Variants in ADAM19 observed in about 807,000 individuals in gnomAD.
ADAM19 encodes the protein ADAM metallopeptidase domain 19.
In ADAM19, 65 loss-of-function variants were observed where a neutral mutation model predicts 114.7. The observed-to-expected ratio is 0.57, with a 90% CI of 0.46 to 0.70. ADAM19 has a LOEUF of 0.70. ADAM19 is among the 30% of genes least tolerant of loss of function. The pLI, the probability that ADAM19 is intolerant of heterozygous loss-of-function variation, is 0.00. For missense variants in ADAM19, 1,063 were observed against 1,204.7 expected (o/e 0.88, Z 1.74); for synonymous variants, 466 against 460.5 (o/e 1.01, Z -0.15).
chr5:157,506,642 G>T (rs1755750458), intron 10 of ADAM19, among the ~76,000 whole-genome samples: 2 of 152,240 alleles, frequency 1.3e-5, no homozygotes, highest in African/African-American at 4.8e-5. Flanking sequence ...TGAAGTCAGA[G>T]TGAATTTCAA....
intron 22 of ADAM19, chr5:157,481,300 C>T: frequency 1.7e-6 from 1 of 572,152 alleles, no homozygotes; most frequent in East Asian, 3.0e-5. Flanking sequence ...CATGGTCAGC[C>T]AGCTTCTTCA....
intron 16 of ADAM19, 29 bp downstream of exon 16, chr5:157,492,944 C>T (rs750849006): frequency 6.2e-7 from 1 of 1,612,536 alleles, no homozygotes; most frequent in East Asian, 2.2e-5. Context: ...CTGCAGCTGG[C>T]TCCTAGGTGA....
Position 157,493,150 on chromosome 5 carries a change from A to C in ADAM19, c.1731T>G (p.Cys577Trp). 4 of 1,614,140 alleles carry C rather than the reference A, an allele frequency of 2.5e-6. No individual in the cohort carries two copies. The highest frequency in any genetic ancestry group is 3.4e-6 in the Non-Finnish European group (4 of 1,179,982). ...MRDAKCGKIQ[C>W]QSSEARPLES... ...CCAGGGGCCGGGCCTCAGAGCTCTG[A>C]CACTGGATCTTCCCACACTTCGCAT... is the stretch of plus-strand genomic sequence containing the variant. Residue 577 changes from cysteine (C) to tryptophan (W), a missense_variant, in exon 16 of 23, where the codon TGT becomes TGG. By Grantham distance (215) the Cys-to-Trp change is radical. Transcript: ENST00000257527.
chr5:157,552,172 C>CA (rs1390805893), intron 3 of ADAM19, among the ~76,000 whole-genome samples: 4 of 151,090 alleles, frequency 2.6e-5, no homozygotes, highest in East Asian at 2.0e-4. Flanking sequence ...CAAAGCAAAA[C>CA]AAAAAAAACC....
chr5:157,523,772 A>G (rs1416396488), intron 5 of ADAM19, among the ~76,000 whole-genome samples: 1 of 152,174 alleles, frequency 6.6e-6, no homozygotes, highest in Non-Finnish European at 1.5e-5. Context: ...GGCCCAACCT[A>G]AAAAACGCAG....
intron 4 of ADAM19, among the ~76,000 whole-genome samples, chr5:157,531,290 A>C (rs1243180550): frequency 6.6e-6 from 1 of 152,208 alleles, no homozygotes; most frequent in African/African-American, 2.4e-5. Context: ...AATGAGTTGA[A>C]TAGAATCCCC....
At position 157,507,037 on chromosome 5, in the gene ADAM19, C is replaced by T; in HGVS notation, c.990+19G>A. The T allele has an allele frequency of 1.9e-6, 3 of 1,611,278 alleles. No individual in the cohort carries two copies. The highest frequency in any genetic ancestry group is 2.5e-6 in the Non-Finnish European group (3 of 1,177,604). On this transcript the variant is annotated intron_variant, in intron 10 of 22. Transcript: ENST00000257527. The stretch of plus-strand genomic sequence containing the variant: ...AGCTCAGCGCCTTCTGCAGCGCACA[C>T]ACACGGGCTGAGACTCACCATGTTG...
chr5:157,510,775 C>G (rs1318377292), intron 8 of ADAM19, among the ~76,000 whole-genome samples: 1 of 152,132 alleles, frequency 6.6e-6, no homozygotes, highest in Non-Finnish European at 1.5e-5. Context: ...ATGGATATAC[C>G]AAATTATATT....
Position 157,564,404 on chromosome 5 carries a change from G to T in ADAM19, c.220C>A (p.Arg74=), listed in dbSNP as rs202186292. ...TTCTCCAGGTCCAGGATCAGTTCTC[G>T]CCCCTCAGCCATTACCCTGAGCTCA... ...KAELRVMAEG[R]ELILDLEKNE... The change falls in exon 3 of 23, where the codon CGA becomes AGA. Residue 74 remains arginine, a synonymous_variant. Transcript: ENST00000257527. 49 of 1,614,082 alleles carry T rather than the reference G, an allele frequency of 3.0e-5. No individual in the cohort carries two copies. The highest frequency in any genetic ancestry group is 3.9e-5 in the Non-Finnish European group (46 of 1,180,000).
chr5:157,507,620 C>G (rs1755787748), intron 9 of ADAM19, among the ~76,000 whole-genome samples: 2 of 152,166 alleles, frequency 1.3e-5, no homozygotes, highest in African/African-American at 4.8e-5. Context: ...ATCGGGGCAG[C>G]AGCTGTGGGG....
chr5:157,552,082 C>T (rs1192331041), intron 3 of ADAM19, among the ~76,000 whole-genome samples: 8 of 152,046 alleles, frequency 5.3e-5, no homozygotes, highest in Admixed American at 3.9e-4. Context: ...ACCCAGAAGG[C>T]GGAGGTTGCA....
At chr5:157,522,631 C>A (rs950852744) in intron 5 of ADAM19, among the ~76,000 whole-genome samples, 1 of 152,132 alleles carries the variant, frequency 6.6e-6, no homozygotes, top group African/African-American at 2.4e-5. Flanking sequence ...ACTAAAAATA[C>A]AAAAATTAGC....
At chr5:157,557,445 G>C (rs970074550) in intron 3 of ADAM19, among the ~76,000 whole-genome samples, 1 of 152,116 alleles carries the variant, frequency 6.6e-6, no homozygotes, top group African/African-American at 2.4e-5. Flanking sequence ...TTAGACAAGC[G>C]TATCATGAAG....
chr5:157,541,204 C>G (rs759564271), intron 3 of ADAM19, among the ~76,000 whole-genome samples: 1 of 152,168 alleles, frequency 6.6e-6, no homozygotes, highest in Non-Finnish European at 1.5e-5. Flanking sequence ...GTTCTCATCT[C>G]CTCCCTGACG....
At chr5:157,545,717 C>T (rs1757030643) in intron 3 of ADAM19, among the ~76,000 whole-genome samples, 1 of 152,168 alleles carries the variant, frequency 6.6e-6, no homozygotes, top group Admixed American at 6.5e-5. Context: ...TGTTTCTAAA[C>T]CCATCATTTC....
chr5:157,491,848 C>T lies in ADAM19; in HGVS notation c.1973G>A (p.Cys658Tyr). Residue 658 changes from cysteine to tyrosine, a missense_variant, in exon 17 of 23, where the codon TGC becomes TAC. Cys to Tyr is a radical substitution (Grantham distance 194). Around this residue, in one of 3 missense-constraint regions of ADAM19, gnomAD observed 424 missense variants for 445.5 expected, o/e 0.95. Coordinates refer to ENST00000257527, the MANE Select transcript of ADAM19 (RefSeq NM_033274.5). ...CCCAGCACGCACCCCATGGCCATTG[C>T]ACTTCTTCCCACAGCCTTCAGTTTC... ...FFETEGCGKKCNGHGVCNNNQ... is the reference protein window; with the variant it reads ...FFETEGCGKKYNGHGVCNNNQ... 1 of 1,614,238 alleles carries T rather than the reference C, an allele frequency of 6.2e-7. No individual in the cohort carries two copies. Among genetic ancestry groups the T allele is most frequent in the Non-Finnish European group, 8.5e-7 (1 of 1,180,046 alleles).
chr5:157,490,615 C>T (rs1024475918), intron 18 of ADAM19, among the ~76,000 whole-genome samples, 161 bp from the exon 19 acceptor site: 6 of 152,228 alleles, frequency 3.9e-5, no homozygotes, highest in East Asian at 3.9e-4. Context: ...CATTATGGGC[C>T]GGGCACAGTG....
intron 3 of ADAM19, among the ~76,000 whole-genome samples, chr5:157,543,794 A>G (rs1405957005): frequency 1.3e-5 from 2 of 152,064 alleles, no homozygotes; most frequent in African/African-American, 4.8e-5. Flanking sequence ...TCAAGCAGAA[A>G]TGGCAATGCC....
chr5:157,565,414 A>G (rs1264041172), intron 2 of ADAM19, among the ~76,000 whole-genome samples: 3 of 152,228 alleles, frequency 2.0e-5, no homozygotes, highest in African/African-American at 7.2e-5. Flanking sequence ...GTATGCACTG[A>G]GAGTTTAAAA....
Sources: allele counts gnomAD v4.1 joint callset (sites outside exome capture counted in the v4.1 genomes callset), GRCh38; gene constraint gnomAD v4.1.1; regional missense constraint gnomAD v4.1.1; transcripts MANE v1.5; gene names NCBI Gene and HGNC (gene_info 2026-07-23, HGNC 2026-07-21).